Variants in ATG9B observed in about 807,000 individuals in gnomAD.
ATG9B encodes autophagy related 9B.
Under a neutral mutation model 92.9 loss-of-function variants are expected in ATG9B, and 92 were observed. That is an observed-to-expected ratio of 0.99 (90% confidence interval 0.84 to 1.18). ATG9B has a LOEUF of 1.18. Ranked by LOEUF, ATG9B falls within the 50% of genes most tolerant of loss-of-function variation. The pLI, the probability that ATG9B is intolerant of heterozygous loss-of-function variation, is 0.00. For missense variants in ATG9B, 1,344 were observed against 1,235.0 expected, an observed-to-expected ratio of 1.09 and a Z score of -1.32; for synonymous variants, 599 against 551.4, an observed-to-expected ratio of 1.09 and a Z score of -1.21.
In ATG9B at chr7:151,023,199, T is replaced by G; in HGVS notation, c.667A>C (p.Ile223Leu). The change falls in exon 4 of 14, where the codon ATT (isoleucine) becomes CTT (leucine). Residue 223 changes from isoleucine (I) to leucine (L), a missense_variant. Coordinates refer to ENST00000639579, the MANE Select transcript of ATG9B (RefSeq NM_001317056.2). ...AAGGTTGTGAAGGTGACAATGAAAA[T>G]AAATTGTCTGCCGGGAGGAAGGGGG... ...LEDVFQLGQFIFIVTFTTFLL... is the reference protein window; with the variant it reads ...LEDVFQLGQFLFIVTFTTFLL... 6.2e-7 allele frequency: 1 copy of G among 1,614,068 alleles called. No individual in the cohort carries two copies. Among genetic ancestry groups the G allele is most frequent in the Non-Finnish European group, 8.5e-7 (1 of 1,180,012 alleles).
intron 8 of ATG9B, 43 bp from the exon 9 acceptor site, chr7:151,017,315 CTTA>C: frequency 6.6e-7 from 1 of 1,523,046 alleles, no homozygotes; most frequent in Non-Finnish European, 8.9e-7. Flanking sequence ...AACACTGAGC[CTTA>C]TGGGAACAGG....
Position 151,024,007 on chromosome 7 carries a change from C to G in ATG9B, c.417G>C (p.Gly139=). ...PSQQCPQDSP[G]LRVGPLIPEQ... ...CAGGGATCAAAGGGCCTACCCGCAGCCCAGGAGAGTCCTGGGGGCACTGCT... is the reference window on the plus strand; with the variant it reads ...CAGGGATCAAAGGGCCTACCCGCAGGCCAGGAGAGTCCTGGGGGCACTGCT... The change falls in exon 1 of 14, where the codon GGG becomes GGC. Residue 139 remains glycine (G), a synonymous_variant. Coordinates refer to ENST00000639579, the MANE Select transcript of ATG9B (RefSeq NM_001317056.2). The G allele has an allele frequency of 6.3e-7, 1 of 1,593,770 alleles. No homozygotes were observed. The highest frequency in any genetic ancestry group is 8.5e-7 in the Non-Finnish European group (1 of 1,170,152).
chr7:151,013,867 G>A (rs1018887369), downstream of ATG9B: 2 of 1,603,408 alleles, frequency 1.2e-6, no homozygotes, highest in Non-Finnish European at 1.7e-6. Flanking sequence ...TCCTGGCGAC[G>A]GAGGGCGACA....
Position 151,016,216 on chromosome 7 carries a change from T to C in ATG9B, c.2540A>G (p.Gln847Arg). 6.7e-7 allele frequency: 1 copy of C among 1,493,478 alleles called. No homozygotes were observed. Among genetic ancestry groups the C allele is most frequent in the Non-Finnish European group, 8.9e-7 (1 of 1,118,144 alleles). 92.5% of individuals were successfully genotyped at this position (1,493,478 alleles called of 1,614,324 possible). A position where few individuals can be genotyped will look rare whatever the true frequency, so the allele number is the denominator to read the frequency against. The change falls in exon 12 of 14, where the codon CAG becomes CGG. Residue 847 changes from glutamine to arginine, a missense_variant. Coordinates refer to ENST00000639579, the MANE Select transcript of ATG9B (RefSeq NM_001317056.2). ...YLHQLHQQQQQQEPWGEAAAS... is the reference protein window; with the variant it reads ...YLHQLHQQQQRQEPWGEAAAS... ...TGCAGCCTCACCCCACGGCTCCTGCTGCTGCTGCTGCTGGTGAAGCTGCAT... is the reference window on the plus strand; with the variant it reads ...TGCAGCCTCACCCCACGGCTCCTGCCGCTGCTGCTGCTGGTGAAGCTGCAT...
At chr7:151,012,344 C>T, downstream of ATG9B, 1 of 1,552,894 alleles carries the variant, frequency 6.4e-7, no homozygotes, top group Non-Finnish European at 8.7e-7. Context: ...AGTGTCTCTC[C>T]TGCCAGGGCT....
In ATG9B at chr7:151,018,838, G is replaced by C; in HGVS notation, c.1500C>G (p.Arg500=). 7.7e-7 allele frequency: 1 copy of C among 1,291,656 alleles called. No individual in the cohort carries two copies. The highest frequency in any genetic ancestry group is 9.8e-7 in the Non-Finnish European group (1 of 1,023,350). 80.0% of individuals were successfully genotyped at this position (1,291,656 alleles called of 1,614,324 possible). The stretch of plus-strand genomic sequence containing the variant: ...GGCGGTAGGCGCGGGCCAGGCGCGC[G>C]CGCAGCTCGTGCGGCAGCTCGTTGA... ...RHFNELPHEL[R]ARLARAYRPA... The change falls in exon 6 of 14, where the codon CGC becomes CGG. Residue 500 remains arginine (R), a synonymous_variant. Transcript: ENST00000639579. The surrounding 1 kb of genome is among the most constrained non-coding windows in gnomAD (Gnocchi z 4.7).
chr7:151,018,500 G>A lies in ATG9B; in HGVS notation c.1719-53C>T, dbSNP rs1795605774. 3 of 1,514,428 alleles carry A rather than the reference G, an allele frequency of 2.0e-6. No individual in the cohort carries two copies. Among genetic ancestry groups the A allele is most frequent in the Admixed American group, 2.2e-5 (1 of 46,008 alleles). The allele number at this position is 1,514,428 out of a possible 1,614,324, so 93.8% of individuals were successfully genotyped here. The stretch of plus-strand genomic sequence containing the variant: ...GGGCCTGCGATTAGGAGGACGCGCG[G>A]TGGGATGTAGGGCTAGAGGGCCCCA... On this transcript the variant is annotated intron_variant, in intron 6 of 13. Coordinates refer to ENST00000639579, the MANE Select transcript of ATG9B (RefSeq NM_001317056.2). This position sits in a 1 kb window ranked among gnomAD's most constrained non-coding sequence, Gnocchi z 4.7.
At chr7:151,016,268 C>A (rs1198786087) in intron 11 of ATG9B, 33 bp from the exon 12 acceptor site, 2 of 1,477,670 alleles carry the variant, frequency 1.4e-6, no homozygotes, top group Admixed American at 2.4e-5. Context: ...GAGGGCTGCA[C>A]CCCAAGGAGG....
chr7:151,024,090 G>A lies in ATG9B; in HGVS notation c.334C>T (p.Pro112Ser), dbSNP rs1449460276. The change falls in exon 1 of 14, where the codon CCC becomes TCC. Residue 112 changes from proline to serine, a missense_variant. Transcript: ENST00000639579. ...GGGGTGGAGTGGGATCCCCAGGAGG[G>A]AGATGCAGAGGCAGGTGTCATTGCA... ...QPAMTPASASPSWGSHSTPPL... is the reference protein window; with the variant it reads ...QPAMTPASASSSWGSHSTPPL... 1.9e-6 allele frequency: 3 copies of A among 1,605,726 alleles called. No individual in the cohort carries two copies. Among genetic ancestry groups the A allele is most frequent in the Middle Eastern group, 1.7e-4 (1 of 5,804 alleles).
rs1288833217 is a variant in ATG9B at position 151,016,929 on chromosome 7, C to T, written c.2289+107G>A. The T allele has an allele frequency of 3.1e-5, 47 of 1,499,338 alleles. No homozygotes were observed. In the South Asian group the frequency reaches 3.6e-4, roughly 11 times the overall value. 92.9% of individuals were successfully genotyped at this position (1,499,338 alleles called of 1,614,324 possible). A position where few individuals can be genotyped will look rare whatever the true frequency, so the allele number is the denominator to read the frequency against. On this transcript the variant is annotated intron_variant, in intron 9 of 13. Coordinates refer to ENST00000639579, the MANE Select transcript of ATG9B (RefSeq NM_001317056.2). ...AGAAGGCAGGAGAGCAGGCTGGGGG[C>T]GGGGGCTGGTGAGGCAGGTTACTAC... is the stretch of plus-strand genomic sequence containing the variant.
intron 8 of ATG9B, 48 bp downstream of exon 8, chr7:151,017,823 C>G (rs764095506): frequency 3.3e-6 from 5 of 1,511,096 alleles, no homozygotes; most frequent in Admixed American, 2.2e-5. Flanking sequence ...GAGAGGCAAG[C>G]GAACTCCCAC....
chr7:151,018,403 A>G lies in ATG9B; in HGVS notation c.1763T>C (p.Leu588Pro). 1 of 1,563,430 alleles carries G rather than the reference A, an allele frequency of 6.4e-7. No individual in the cohort carries two copies. The highest frequency in any genetic ancestry group is 8.7e-7 in the Non-Finnish European group (1 of 1,155,364). The change falls in exon 7 of 14, where the codon CTC (leucine) becomes CCC (proline). Residue 588 changes from leucine (L) to proline (P), a missense_variant. Coordinates refer to ENST00000639579, the MANE Select transcript of ATG9B (RefSeq NM_001317056.2). The surrounding 1 kb of genome is among the most constrained non-coding windows in gnomAD (Gnocchi z 4.7). ...GTGGGCCAGGGCTGTCTGCAGCAGG[A>G]GCTGCGGCGCACGACCCTGGCACTG... ...EEQCQGRAPQ[L>P]LLQTALAHMH...
rs1364787321 is a variant in ATG9B, at chr7:151,019,024, T to C, written c.1314A>G (p.Thr438=). Residue 438 remains threonine, a synonymous_variant, in exon 6 of 14, where the codon ACA becomes ACG. Coordinates refer to ENST00000639579, the MANE Select transcript of ATG9B (RefSeq NM_001317056.2). ...RGALAARWGR[T]VLLLAALNLA... is the part of the protein sequence containing the mutation. ...GGTTCAGGGCGGCCAGCAGCAGCAC[T>C]GTGCGCCCCCAGCGCGCTGCTAGGG... 3.2e-6 allele frequency: 5 copies of C among 1,553,822 alleles called. No homozygotes were observed. The East Asian group carries it at 1.2e-4, about 37-fold the overall frequency.
At chr7:151,012,220 T>TTTTTTTTTTTTTTTTTA, downstream of ATG9B, 1 of 781,466 alleles carries the variant, frequency 1.3e-6, no homozygotes, top group Non-Finnish European at 1.9e-6. Flanking sequence ...TGTTTTTTGT[T>TTTTTTTTTTTTTTTTTA]TTTTGTTTTT....
chr7:151,013,916 C>T, downstream of ATG9B: 1 of 1,598,986 alleles, frequency 6.3e-7, no homozygotes. Flanking sequence ...CGGCGTGCTG[C>T]GGGTGCGGAG....
downstream of ATG9B, chr7:151,012,300 T>C: frequency 6.9e-7 from 1 of 1,450,490 alleles, no homozygotes. Context: ...ATGGTGAGAA[T>C]GGTGGAGCAG....
At chr7:151,023,809 C>A (rs765148359) in intron 1 of ATG9B, 65 bp downstream of exon 1, 40 of 1,611,790 alleles carry the variant, frequency 2.5e-5, no homozygotes, top group Non-Finnish European at 3.4e-5. Flanking sequence ...AGAGGCCCAG[C>A]CTGGGATAAG....
intron 8 of ATG9B, 149 bp downstream of exon 8, chr7:151,017,722 C>A: frequency 3.0e-6 from 3 of 986,446 alleles, no homozygotes; most frequent in Non-Finnish European, 4.4e-6. Context: ...ATCTGACAGA[C>A]GAGGGCACGA....
intron 13 of ATG9B, 38 bp downstream of exon 13, chr7:151,015,844 C>T (rs992690069): frequency 1.6e-5 from 24 of 1,529,998 alleles, no homozygotes; most frequent in East Asian, 2.5e-5. Flanking sequence ...CTACCTATGC[C>T]GTCCTTTCTC....
Sources: allele counts gnomAD v4.1 joint callset, GRCh38; gene constraint gnomAD v4.1.1; non-coding constraint Gnocchi (gnomAD v3.1); transcripts MANE v1.5; gene names NCBI Gene and HGNC (gene_info 2026-07-23, HGNC 2026-07-21).